Variants in MDH1B observed in about 807,000 individuals in gnomAD.
MDH1B encodes malate dehydrogenase 1B.
In MDH1B, 60 loss-of-function variants were observed where a neutral mutation model predicts 61.4. The ratio of observed to expected loss-of-function variants is 0.98; its 90% CI spans 0.79 to 1.21. The LOEUF is 1.21. Ranked by LOEUF, MDH1B falls within the 50% of genes most tolerant of loss-of-function variation. MDH1B has a pLI of 0.00. For synonymous variants in MDH1B, 236 were observed against 218.7 expected, an observed-to-expected ratio of 1.08 and a Z score of -0.70; for missense variants, 587 against 632.1, an observed-to-expected ratio of 0.93 and a Z score of 0.76.
At position 206,750,980 on chromosome 2, in the gene MDH1B, C is replaced by T. The variant is rs1338149722; in HGVS notation, c.1006G>A (p.Gly336Arg). ...ACAGGGCGTGAATAATGAAGAGGTC[C>T]CCAAATGGCACTCTCATATCTGTAC... ...RVYRYESAIW[G>R]PLHYSRPVLN... Residue 336 changes from glycine to arginine, a missense_variant, in exon 6 of 12, where the codon GGA becomes AGA. By Grantham distance (125) the Gly-to-Arg change is moderately radical. Transcript: ENST00000374412. The T allele has an allele frequency of 1.2e-6, 2 of 1,611,192 alleles. No homozygotes were observed. Among genetic ancestry groups the T allele is most frequent in the Non-Finnish European group, 1.7e-6 (2 of 1,178,530 alleles).
rs1688408137 is a variant in MDH1B, at chr2:206,751,057, A to T, written c.929T>A (p.Ile310Asn). ...TAPSYIKDVI[I>N]WGNISGNNYV... ...ATTATTTCCACTGATATTACCCCAA[A>T]TGATCACGTCTTTAATGTCTGTGAA... Residue 310 changes from isoleucine (I) to asparagine (N), a missense_variant, in exon 6 of 12, where the codon ATT becomes AAT. Ile to Asn is a moderately radical substitution (Grantham distance 149, BLOSUM62 -3). Coordinates refer to ENST00000374412, the MANE Select transcript of MDH1B (RefSeq NM_001039845.3). 3 of 1,597,692 alleles carry T rather than the reference A, an allele frequency of 1.9e-6. No individual in the cohort carries two copies. Among genetic ancestry groups the T allele is most frequent in the Non-Finnish European group, 2.6e-6 (3 of 1,168,620 alleles).
At chr2:206,750,604 G>A (rs554532713) in intron 6 of MDH1B, among the ~76,000 whole-genome samples, 6 of 151,904 alleles carry the variant, frequency 3.9e-5, no homozygotes, top group African/African-American at 1.4e-4. Context: ...TCTTGAAAAC[G>A]TTTCAATTAA....
chr2:206,746,405 C>T lies in MDH1B; in HGVS notation c.1238G>A (p.Gly413Glu), dbSNP rs576167234. Residue 413 changes from glycine to glutamate, a missense_variant, in exon 8 of 12, where the codon GGG becomes GAG. By Grantham distance (98) the Gly-to-Glu change is moderately conservative. Coordinates refer to ENST00000374412, the MANE Select transcript of MDH1B (RefSeq NM_001039845.3). Reference sequence around the variant, plus strand: ...TTTCACAGGCATAGAAAAGACGATCCCTTTCGGAATACCAAACTGGCCTGC... The same window carrying T: ...TTTCACAGGCATAGAAAAGACGATCTCTTTCGGAATACCAAACTGGCCTGC... ...LSEGQFGIPKGIVFSMPVKFE... is the reference protein window; with the variant it reads ...LSEGQFGIPKEIVFSMPVKFE... 2.0e-5 allele frequency: 32 copies of T among 1,613,000 alleles called. No homozygotes were observed. The highest frequency in any genetic ancestry group is 2.6e-5 in the Non-Finnish European group (31 of 1,179,712).
At chr2:206,748,420 T>A (rs1688242279) in intron 7 of MDH1B, among the ~76,000 whole-genome samples, 1 of 152,206 alleles carries the variant, frequency 6.6e-6, no homozygotes, top group South Asian at 2.1e-4. Context: ...GCATAGTTTT[T>A]AGCGGATTAA....
intron 10 of MDH1B, 151 bp from the exon 11 acceptor site, chr2:206,739,812 A>G: frequency 1.5e-6 from 1 of 669,290 alleles, no homozygotes; most frequent in East Asian, 2.7e-5. Flanking sequence ...GACCACTGTT[A>G]TATAAAGTCT....
At chr2:206,746,472 A>G in intron 7 of MDH1B, 46 bp from the exon 8 acceptor site, 1 of 1,561,306 alleles carries the variant, frequency 6.4e-7, no homozygotes. Flanking sequence ...AGAACTTAGA[A>G]ACATGCACCT....
At position 206,756,977 on chromosome 2, in the gene MDH1B, G is replaced by T. The variant is rs546481456; in HGVS notation, c.334C>A (p.Leu112Met). 9.3e-6 allele frequency: 15 copies of T among 1,614,006 alleles called. No homozygotes were observed. The African/African-American group carries it at 2.0e-4, about 22-fold the overall frequency. The change falls in exon 4 of 12, where the codon CTG becomes ATG. Residue 112 changes from leucine to methionine, a missense_variant. Physicochemically the swap from Leu to Met is conservative, Grantham distance 15. Transcript: ENST00000374412. ...ELMMVIAQEN[L>M]GAHIEKEQEE... is the part of the protein sequence containing the mutation. ...TGCTCTTTTTCTATATGTGCCCCCA[G>T]GTTCTCTTGAGCAATTACCATCATC...
rs1317230314 is a variant in MDH1B, at chr2:206,738,259, G to A, written c.*224C>T. 1 of 382,408 alleles carries A rather than the reference G, an allele frequency of 2.6e-6. No individual in the cohort carries two copies. The highest frequency in any genetic ancestry group is 2.1e-5 in the African/African-American group (1 of 47,912). 23.7% of individuals were successfully genotyped at this position (382,408 alleles called of 1,614,324 possible). On this transcript the variant is annotated 3_prime_UTR_variant, in exon 12 of 12. Transcript: ENST00000374412. ...GCATTTGACACCAAAATAGTTCTAA[G>A]AAAATGCAATTATTATGAAACAAAC...
intron 1 of MDH1B, among the ~76,000 whole-genome samples, chr2:206,762,222 T>C (rs1262451037): frequency 6.6e-6 from 1 of 152,168 alleles, no homozygotes; most frequent in Admixed American, 6.5e-5. Flanking sequence ...CTCCCCAACA[T>C]TCCTCTGCAT....
chr2:206,756,072 C>A (rs968294869), intron 4 of MDH1B, among the ~76,000 whole-genome samples: 1 of 152,068 alleles, frequency 6.6e-6, no homozygotes, highest in Non-Finnish European at 1.5e-5. Context: ...AACTGTAATG[C>A]CCACCATGGG....
intron 4 of MDH1B, among the ~76,000 whole-genome samples, chr2:206,756,098 T>G (rs1442460368): frequency 6.6e-6 from 1 of 152,122 alleles, no homozygotes; most frequent in Non-Finnish European, 1.5e-5. Flanking sequence ...CAGAAATGCA[T>G]CCGGGCATTT....
chr2:206,751,134 C>G, intron 5 of MDH1B, 59 bp from the exon 6 acceptor site: 1 of 1,259,014 alleles, frequency 7.9e-7, no homozygotes, highest in Non-Finnish European at 1.1e-6. Context: ...TAAAAAATTG[C>G]CTGAAGCCTA....
At chr2:206,765,144 A>T (rs1689364517) in intron 1 of MDH1B, 106 bp downstream of exon 1, 3 of 1,381,606 alleles carry the variant, frequency 2.2e-6, no homozygotes, top group Non-Finnish European at 2.9e-6. Context: ...AATCTATAGC[A>T]AAGCATGGAG....
intron 10 of MDH1B, 124 bp downstream of exon 10, chr2:206,740,930 G>A: frequency 1.5e-6 from 2 of 1,334,156 alleles, no homozygotes; most frequent in Middle Eastern, 1.9e-4. Flanking sequence ...TGAAGCATAT[G>A]AAAAGAAGCA....
chr2:206,750,930 G>A lies in MDH1B; in HGVS notation c.1052+4C>T, dbSNP rs1277311420. 1 of 1,601,188 alleles carries A rather than the reference G, an allele frequency of 6.2e-7. No homozygotes were observed. Among genetic ancestry groups the A allele is most frequent in the Non-Finnish European group, 8.5e-7 (1 of 1,174,498 alleles). On this transcript the variant is annotated splice_donor_region_variant and intron_variant, in intron 6 of 11. Coordinates refer to ENST00000374412, the MANE Select transcript of MDH1B (RefSeq NM_001039845.3). Reference sequence around the variant, plus strand: ...AGTATGCTTCACTTCAAAATATACTGTACCTGTCAAAAATCAAGTTTAAAA... The same window carrying A: ...AGTATGCTTCACTTCAAAATATACTATACCTGTCAAAAATCAAGTTTAAAA...
chr2:206,760,452 C>T (rs1689023475), intron 2 of MDH1B, among the ~76,000 whole-genome samples: 1 of 152,162 alleles, frequency 6.6e-6, no homozygotes, highest in African/African-American at 2.4e-5. Flanking sequence ...TCTCCCTTTA[C>T]CCAATCCTGC....
Position 206,757,223 on chromosome 2 carries a change from G to A in MDH1B, c.270+14C>T. On this transcript the variant is annotated intron_variant, in intron 3 of 11. Coordinates refer to ENST00000374412, the MANE Select transcript of MDH1B (RefSeq NM_001039845.3). The stretch of plus-strand genomic sequence containing the variant: ...GAATTATCATTATTAGAACAGATAA[G>A]TTAACTTATATACCTGAGCATGCTC... 1 of 1,603,400 alleles carries A rather than the reference G, an allele frequency of 6.2e-7. No homozygotes were observed. The highest frequency in any genetic ancestry group is 2.2e-5 in the East Asian group (1 of 44,818).
Position 206,761,742 on chromosome 2 carries a change from T to C in MDH1B, c.23-729A>G, listed in dbSNP as rs1689108226. On this transcript the variant is annotated intron_variant, in intron 1 of 11. Transcript: ENST00000374412. ...GTTAAAGCCACTACAACAGATGGAA[T>C]TGGGCATCTGATAGAGCAGGAGGGA... Among the ~76,000 whole-genome samples the C allele has an allele frequency of 3.3e-5, 5 of 152,226 alleles. No homozygotes were observed. The South Asian group carries it at 1.0e-3, about 32-fold the overall frequency.
chr2:206,749,033 TC>T lies in MDH1B; in HGVS notation c.1202del (p.Gly401GlufsTer3). 1 of 1,613,546 alleles carries T rather than the reference TC, an allele frequency of 6.2e-7. No individual in the cohort carries two copies. The part of the protein sequence containing the change: ...GSPPGEIVSL[G>X]ILSEGQFGIP... ...ACCCAGATTTACCTTCACTCAATAT[TC>T]CTAAAGATACAATCTCCCCAGGTGG... On this transcript the variant is annotated frameshift_variant, in exon 7 of 12. Coordinates refer to ENST00000374412, the MANE Select transcript of MDH1B (RefSeq NM_001039845.3). LOFTEE classifies it high-confidence loss of function.
Sources: gnomAD v4.1 joint callset for allele counts (sites outside exome capture counted in the v4.1 genomes callset) on GRCh38, gnomAD v4.1.1 for gene constraint, MANE v1.5 for transcripts, NCBI Gene and HGNC (gene_info 2026-07-23, HGNC 2026-07-21) for gene names.